CDK5RAP2: variants seen among roughly 807,000 people sequenced by gnomAD.
CDK5RAP2 encodes CDK5 regulatory subunit-associated protein 2.
CDK5RAP2 carries 147 observed loss-of-function variants against 232.9 expected under a neutral mutation model. That is an observed-to-expected ratio of 0.63 (90% confidence interval 0.55 to 0.72). The LOEUF is 0.72. Ranked by LOEUF, CDK5RAP2 falls within the 30% of genes least tolerant of loss-of-function variation. The pLI, the probability that CDK5RAP2 is intolerant of heterozygous loss-of-function variation, is 0.00. For missense variants in CDK5RAP2, 2,195 were observed against 2,231.5 expected (o/e 0.98, Z 0.33); for synonymous variants, 833 against 833.7 (o/e 1.00, Z 0.01).
intron 25 of CDK5RAP2, among the ~76,000 whole-genome samples, chr9:120,426,165 A>T (rs2034885798): frequency 6.6e-6 from 1 of 152,220 alleles, no homozygotes; most frequent in African/African-American, 2.4e-5. Context: ...TAACCATGAC[A>T]TGCATGCCCC....
chr9:120,452,165 G>A (rs1194282769), intron 21 of CDK5RAP2, among the ~76,000 whole-genome samples: 1 of 151,648 alleles, frequency 6.6e-6, no homozygotes, highest in Non-Finnish European at 1.5e-5. Context: ...GAAGGAGCTG[G>A]GGCAGATGAG....
chr9:120,513,230 A>G (rs916323748), intron 12 of CDK5RAP2, among the ~76,000 whole-genome samples: 2 of 152,172 alleles, frequency 1.3e-5, no homozygotes, highest in African/African-American at 2.4e-5. Context: ...ATGTTAAGGA[A>G]AAGCCTTTTC....
chr9:120,448,568 C>T (rs2036321348), intron 21 of CDK5RAP2, among the ~76,000 whole-genome samples: 1 of 152,170 alleles, frequency 6.6e-6, no homozygotes. Flanking sequence ...GCGGATATTT[C>T]CCAGGCTCAG....
intron 15 of CDK5RAP2, 136 bp from the exon 16 acceptor site, chr9:120,472,014 T>C (rs1346789723): frequency 1.8e-6 from 2 of 1,142,040 alleles, no homozygotes; most frequent in Non-Finnish European, 2.5e-6. Context: ...AGGTTTACTA[T>C]AGAGAATTTT....
intron 32 of CDK5RAP2, among the ~76,000 whole-genome samples, chr9:120,405,008 G>T (rs1349473738): frequency 6.6e-6 from 1 of 152,222 alleles, no homozygotes; most frequent in African/African-American, 2.4e-5. Flanking sequence ...AACCCAGCAT[G>T]TCAGTGGCAC....
intron 31 of CDK5RAP2, chr9:120,407,531 T>C (rs2033543477): frequency 4.3e-6 from 2 of 462,982 alleles, no homozygotes; most frequent in South Asian, 2.2e-5. Flanking sequence ...CTAGTAGTAA[T>C]AAAATCTATT....
chr9:120,453,157 T>A lies in CDK5RAP2; in HGVS notation c.2793+299A>T, dbSNP rs116206522. Among the ~76,000 whole-genome samples, 1,007 of 152,278 alleles carry A rather than the reference T, an allele frequency of 6.6e-3. 17 individuals carry two copies. Among genetic ancestry groups the A allele is most frequent in the African/African-American group, 0.023 (957 of 41,538 alleles). On this transcript the variant is annotated intron_variant, in intron 21 of 37. Transcript: ENST00000349780. ...ACAGCTACAGACAGATAGACAGATG[T>A]ATAAACAAGACCTCACGTGTGTTTT...
intron 4 of CDK5RAP2, among the ~76,000 whole-genome samples, chr9:120,548,101 C>A (rs1435504682): frequency 1.3e-5 from 2 of 152,168 alleles, no homozygotes. Context: ...AATAGGTTAT[C>A]TTCTTCACTG....
At chr9:120,423,170 A>G (rs1442404260) in intron 25 of CDK5RAP2, among the ~76,000 whole-genome samples, 2 of 152,172 alleles carry the variant, frequency 1.3e-5, no homozygotes, top group East Asian at 3.8e-4. Context: ...ATTACAACAT[A>G]ATTTTTTCAC....
chr9:120,410,862 G>C (rs2033804135), intron 29 of CDK5RAP2, among the ~76,000 whole-genome samples: 1 of 152,234 alleles, frequency 6.6e-6, no homozygotes, highest in Admixed American at 6.5e-5. Flanking sequence ...AGTAGTGAAA[G>C]ATAATGTAAG....
At chr9:120,390,329 A>C (rs1343873168) in intron 36 of CDK5RAP2, 1 of 156,674 alleles carries the variant, frequency 6.4e-6, no homozygotes, top group African/African-American at 2.4e-5. Context: ...TGGAAGAAAA[A>C]ACCGTGGGCA....
chr9:120,558,959 T>C (rs1468383601), intron 3 of CDK5RAP2, among the ~76,000 whole-genome samples: 1 of 152,212 alleles, frequency 6.6e-6, no homozygotes, highest in Non-Finnish European at 1.5e-5. Context: ...TTTTAACAAG[T>C]ATCTAGAACA....
chr9:120,496,798 C>T, intron 12 of CDK5RAP2, among the ~76,000 whole-genome samples: 1 of 138,830 alleles, frequency 7.2e-6, no homozygotes, highest in Non-Finnish European at 1.5e-5. Flanking sequence ...GGGGGTCAGC[C>T]CCCCTGCCCG....
At chr9:120,488,853 G>A (rs1169753331) in intron 13 of CDK5RAP2, among the ~76,000 whole-genome samples, 1 of 152,224 alleles carries the variant, frequency 6.6e-6, no homozygotes, top group Non-Finnish European at 1.5e-5. Flanking sequence ...CTCCTCAAGA[G>A]TTCAAATCTG....
At chr9:120,471,495 T>C (rs2131530411) in intron 16 of CDK5RAP2, among the ~76,000 whole-genome samples, 1 of 152,268 alleles carries the variant, frequency 6.6e-6, no homozygotes, top group Admixed American at 6.5e-5. Context: ...GAACTAGAAG[T>C]ATCAAATGAT....
At chr9:120,501,069 T>G (rs1032394006) in intron 12 of CDK5RAP2, among the ~76,000 whole-genome samples, 8 of 152,194 alleles carry the variant, frequency 5.3e-5, no homozygotes, top group African/African-American at 1.9e-4. Context: ...ACTTTCATAA[T>G]GAGGCATTTA....
intron 14 of CDK5RAP2, 113 bp downstream of exon 14, chr9:120,487,181 G>T: frequency 8.6e-7 from 1 of 1,162,390 alleles, no homozygotes; most frequent in Non-Finnish European, 1.3e-6. Flanking sequence ...TGTAGGCTCA[G>T]TTACCAACAA....
intron 15 of CDK5RAP2, among the ~76,000 whole-genome samples, chr9:120,474,271 A>G (rs2037883467): frequency 6.6e-6 from 1 of 152,172 alleles, no homozygotes; most frequent in South Asian, 2.1e-4. Context: ...AGAAGACAAT[A>G]TTTATGAGCC....
intron 15 of CDK5RAP2, among the ~76,000 whole-genome samples, chr9:120,475,054 T>A (rs574201876): frequency 6.5e-4 from 99 of 152,362 alleles, no homozygotes; most frequent in African/African-American, 1.8e-3. Flanking sequence ...GCTTACTACA[T>A]GCCAGGAAGT....
Sources: gnomAD v4.1 joint callset for allele counts (sites outside exome capture counted in the v4.1 genomes callset) on GRCh38, gnomAD v4.1.1 for gene constraint, MANE v1.5 for transcripts, NCBI Gene and HGNC (gene_info 2026-07-23, HGNC 2026-07-21) for gene names.